The following ADGRV1 variants were observed in gnomAD, a reference collection of about 807,000 sequenced individuals.
ADGRV1 encodes adhesion G protein-coupled receptor V1.
In ADGRV1, 359 loss-of-function variants were observed where a neutral mutation model predicts 596.2. That is an observed-to-expected ratio of 0.60 (90% confidence interval 0.55 to 0.66). The LOEUF (loss-of-function observed/expected upper bound fraction) is 0.66. ADGRV1 is among the 30% of genes least tolerant of loss of function. The pLI is 0.00. For synonymous variants in ADGRV1, 2,681 were observed against 2,679.2 expected, an observed-to-expected ratio of 1.00 and a Z score of -0.02; for missense variants, 7,274 against 7,575.6, an observed-to-expected ratio of 0.96 and a Z score of 1.48.
chr5:91,095,871 C>T (rs942854587), intron 86 of ADGRV1, among the ~76,000 whole-genome samples: 7 of 152,156 alleles, frequency 4.6e-5, no homozygotes, highest in Non-Finnish European at 8.8e-5. Context: ...CAACCTCCAC[C>T]TCCCAGGTTC....
At chr5:90,816,082 T>C (rs1002971915) in intron 75 of ADGRV1, among the ~76,000 whole-genome samples, 14 of 152,062 alleles carry the variant, frequency 9.2e-5, no homozygotes, top group African/African-American at 3.1e-4. Flanking sequence ...CTTAAAACTG[T>C]ATAGTAGCAT....
chr5:90,893,260 TTA>T (rs1378265519), intron 83 of ADGRV1, among the ~76,000 whole-genome samples: 1 of 152,160 alleles, frequency 6.6e-6, no homozygotes, highest in East Asian at 1.9e-4. Flanking sequence ...TTTGGGCTTT[TTA>T]TAAGACTGTT....
intron 87 of ADGRV1, among the ~76,000 whole-genome samples, chr5:91,128,527 A>G (rs1289390604): frequency 6.6e-6 from 1 of 152,110 alleles, no homozygotes. Context: ...GATTGAATGG[A>G]TCCCTGGATG....
At chr5:90,615,138 G>A (rs1763209620) in intron 2 of ADGRV1, 119 bp downstream of exon 2, 1 of 601,544 alleles carries the variant, frequency 1.7e-6, no homozygotes, top group African/African-American at 1.9e-5. Context: ...ATAAATGATG[G>A]ATAATTTGCA....
At chr5:91,099,913 G>C (rs1791220517) in intron 86 of ADGRV1, among the ~76,000 whole-genome samples, 1 of 152,168 alleles carries the variant, frequency 6.6e-6, no homozygotes, top group Non-Finnish European at 1.5e-5. Context: ...TACTAAGAGA[G>C]CTTAGGAGCA....
chr5:90,592,961 A>G (rs1263756707), intron 1 of ADGRV1, among the ~76,000 whole-genome samples: 1 of 152,206 alleles, frequency 6.6e-6, no homozygotes, highest in Non-Finnish European at 1.5e-5. Flanking sequence ...GGTACTGGAG[A>G]GGGTGTGGAG....
intron 17 of ADGRV1, 93 bp downstream of exon 17, chr5:90,647,857 G>T: frequency 9.3e-7 from 1 of 1,080,132 alleles, no homozygotes. Context: ...GACAAGTAGG[G>T]CCTAACTACA....
intron 83 of ADGRV1, among the ~76,000 whole-genome samples, chr5:90,963,862 T>C (rs186067289): frequency 2.6e-5 from 4 of 151,106 alleles, no homozygotes; most frequent in Admixed American, 6.7e-5. Flanking sequence ...GCATAAGAGA[T>C]ACATATTGTA....
At chr5:90,885,881 A>G (rs1218098502) in intron 83 of ADGRV1, among the ~76,000 whole-genome samples, 1 of 151,276 alleles carries the variant, frequency 6.6e-6, no homozygotes, top group Non-Finnish European at 1.5e-5. Flanking sequence ...AAGGAGGGAG[A>G]GAGGGAGGGA....
rs571159068 is a variant in ADGRV1, at chr5:90,853,377, G to A, written c.17298G>A (p.Lys5766=). ...QQINGHKFEG[K]EGDYIRIPER... is the part of the protein sequence containing the mutation. Reference sequence around the variant, plus strand: ...TCAATGGACACAAGTTTGAAGGAAAGGAAGGAGATTACATTCGAATTCCAG... The same window carrying A: ...TCAATGGACACAAGTTTGAAGGAAAAGAAGGAGATTACATTCGAATTCCAG... Residue 5766 remains lysine, a synonymous_variant, in exon 80 of 90, where the codon AAG becomes AAA. Coordinates refer to ENST00000405460, the MANE Select transcript of ADGRV1 (RefSeq NM_032119.4). 53 of 1,613,552 alleles carry A rather than the reference G, an allele frequency of 3.3e-5. 1 individual carries two copies. The East Asian group carries it at 1.1e-3, about 33-fold the overall frequency.
chr5:90,562,237 T>C (rs1754921653), intron 1 of ADGRV1, among the ~76,000 whole-genome samples: 1 of 152,212 alleles, frequency 6.6e-6, no homozygotes, highest in South Asian at 2.1e-4. Flanking sequence ...ATACTACTAA[T>C]AAACTAGAGT....
chr5:90,648,098 C>T (rs150226115), intron 17 of ADGRV1, among the ~76,000 whole-genome samples: 21 of 152,222 alleles, frequency 1.4e-4, no homozygotes, highest in Middle Eastern at 6.8e-3. Context: ...AGTCACCCAG[C>T]GACTTAAGGG....
chr5:90,927,081 G>A (rs563898992), intron 83 of ADGRV1, among the ~76,000 whole-genome samples: 2 of 147,106 alleles, frequency 1.4e-5, no homozygotes, highest in East Asian at 4.0e-4. Context: ...GAATAGGTGT[G>A]GTGTGGTGCT....
chr5:91,047,142 G>A (rs1376345248), intron 85 of ADGRV1, among the ~76,000 whole-genome samples: 1 of 152,182 alleles, frequency 6.6e-6, no homozygotes, highest in East Asian at 1.9e-4. Flanking sequence ...TGATCTGGGA[G>A]TTCAAAGATC....
chr5:90,730,294 G>C (rs765024493), intron 50 of ADGRV1, among the ~76,000 whole-genome samples: 1 of 152,126 alleles, frequency 6.6e-6, no homozygotes, highest in Admixed American at 6.5e-5. Context: ...ACATTGGCTT[G>C]AGAATAATCA....
chr5:91,088,651 T>C (rs1357158121), intron 86 of ADGRV1, among the ~76,000 whole-genome samples: 1 of 151,942 alleles, frequency 6.6e-6, no homozygotes. Flanking sequence ...AAAAGAAAAA[T>C]GGAAGCATGT....
At chr5:90,888,118 T>C (rs1454915822) in intron 83 of ADGRV1, among the ~76,000 whole-genome samples, 24 of 152,206 alleles carry the variant, frequency 1.6e-4, no homozygotes, top group Non-Finnish European at 3.4e-4. Context: ...AAATCATATA[T>C]GCTTGAAAAT....
rs777062887 is a variant in ADGRV1, at chr5:90,672,697, C to T, written c.4904C>T (p.Thr1635Ile). 6.2e-7 allele frequency: 1 copy of T among 1,612,808 alleles called. No individual in the cohort carries two copies. ...DDFANASGTI[T>I]FLPWQRSEVL... The stretch of plus-strand genomic sequence containing the variant: ...TTTGCTAATGCCAGTGGAACTATTA[C>T]ATTCCTTCCTTGGCAGAGATCAGAG... The change falls in exon 22 of 90, where the codon ACA becomes ATA. Residue 1635 changes from threonine (T) to isoleucine (I), a missense_variant. By Grantham distance (89) the Thr-to-Ile change is moderately conservative. Coordinates refer to ENST00000405460, the MANE Select transcript of ADGRV1 (RefSeq NM_032119.4).
rs529979699 is a variant in ADGRV1, at chr5:90,621,886, A to G, written c.454-711A>G. ...GTGCCCTCAGTATATGTCAGGTACT[A>G]GGATAAGCACTTGATGTGAACTATC... is the stretch of plus-strand genomic sequence containing the variant. On this transcript the variant is annotated intron_variant, in intron 4 of 89. Coordinates refer to ENST00000405460, the MANE Select transcript of ADGRV1 (RefSeq NM_032119.4). 6.6e-5 allele frequency among the ~76,000 whole-genome samples: 10 copies of G among 152,314 alleles called. No homozygotes were observed. In the East Asian group the frequency reaches 1.9e-3, roughly 29 times the overall value.
Sources: allele counts gnomAD v4.1 joint callset (sites outside exome capture counted in the v4.1 genomes callset), GRCh38; gene constraint gnomAD v4.1.1; transcripts MANE v1.5; gene names NCBI Gene and HGNC (gene_info 2026-07-23, HGNC 2026-07-21).